The following KIF5B variants were observed in gnomAD, a reference collection of about 807,000 sequenced individuals.
KIF5B encodes the protein kinesin family member 5B.
Under a neutral mutation model 132.8 loss-of-function variants are expected in KIF5B, and 49 were observed. That is an observed-to-expected ratio of 0.37 (90% CI 0.29 to 0.47). KIF5B has a LOEUF of 0.47. Ranked by LOEUF, KIF5B falls within the 20% of genes least tolerant of loss-of-function variation. The pLI, the probability that KIF5B is intolerant of heterozygous loss-of-function variation, is 1.00. For missense variants in KIF5B, 780 were observed against 1,144.0 expected (o/e 0.68, Z 4.59); for synonymous variants, 355 against 369.4 (o/e 0.96, Z 0.45).
Position 32,010,494 on chromosome 10 carries a change from A to G in KIF5B, c.*1043T>C, listed in dbSNP as rs1592433263. The G allele has an allele frequency of 1.3e-5, 2 of 152,172 alleles. No homozygotes were observed. The highest frequency in any genetic ancestry group is 4.1e-4 in the South Asian group (2 of 4,836). 9.4% of individuals were successfully genotyped at this position (152,172 alleles called of 1,614,324 possible). On this transcript the variant is annotated 3_prime_UTR_variant, in exon 26 of 26. Transcript: ENST00000302418. The stretch of plus-strand genomic sequence containing the variant: ...AGGGATTTCAGACCAAAATTGACCT[A>G]TATATATTTTTAATTCATCATATAT...
intron 13 of KIF5B, among the ~76,000 whole-genome samples, chr10:32,032,382 C>A (rs968590734): frequency 5.3e-5 from 8 of 152,014 alleles, no homozygotes; most frequent in Non-Finnish European, 1.0e-4. Flanking sequence ...CTGCCCACCA[C>A]CCCCACAAAA....
chr10:32,012,899 ATTTT>A (rs746066933), intron 25 of KIF5B, among the ~76,000 whole-genome samples: 2 of 136,502 alleles, frequency 1.5e-5, no homozygotes. Context: ...AACTCATGTA[ATTTT>A]TTTTTTTTTT....
intron 18 of KIF5B, 40 bp downstream of exon 18, chr10:32,021,186 T>A: frequency 6.3e-7 from 1 of 1,595,810 alleles, no homozygotes; most frequent in Non-Finnish European, 8.6e-7. Context: ...AAATTAATAC[T>A]GATTAATTAA....
In KIF5B at chr10:32,022,874, C is replaced by T. The variant is rs2132587605; in HGVS notation, c.1888G>A (p.Ala630Thr). The T allele has an allele frequency of 6.2e-7, 1 of 1,612,330 alleles. No homozygotes were observed. Among genetic ancestry groups the T allele is most frequent in the Non-Finnish European group, 8.5e-7 (1 of 1,178,776 alleles). The change falls in exon 16 of 26, where the codon GCA becomes ACA. Residue 630 changes from alanine to threonine, a missense_variant. Ala to Thr is a moderately conservative substitution (Grantham distance 58). This residue lies in a region of KIF5B where 471 missense variants were observed against 569.9 expected (regional missense o/e 0.83). Transcript: ENST00000302418. Reference protein sequence around the residue: ...KKMEENEKELAACQLRISQHE... With the variant: ...KKMEENEKELTACQLRISQHE... ...TGAGAGATACGAAGCTGACATGCTG[C>T]TAACTCCTTTTCATTTTCTTCCATT...
intron 2 of KIF5B, among the ~76,000 whole-genome samples, chr10:32,044,358 T>A (rs138779392): frequency 1.3e-5 from 2 of 151,290 alleles, no homozygotes; most frequent in African/African-American, 4.9e-5. Context: ...CTGATTGAAT[T>A]AATAATGTCC....
rs1841198273 is a variant in KIF5B, at chr10:32,017,969, G to T, written c.2544+83C>A. 4 of 652,224 alleles carry T rather than the reference G, an allele frequency of 6.1e-6. No homozygotes were observed. In the East Asian group the frequency reaches 1.1e-4, roughly 18 times the overall value. The allele number at this position is 652,224 out of a possible 1,614,324, so 40.4% of individuals were successfully genotyped here. On this transcript the variant is annotated intron_variant, in intron 23 of 25. Transcript: ENST00000302418. ...GGGTATAAAAATTCCTGAGGACTCT[G>T]AAAGATTGAAATACTCACTTGCCAA... is the stretch of plus-strand genomic sequence containing the variant.
intron 12 of KIF5B, among the ~76,000 whole-genome samples, chr10:32,033,004 A>C (rs1841420333): frequency 6.6e-6 from 1 of 152,256 alleles, no homozygotes; most frequent in Admixed American, 6.5e-5. Context: ...TCTGCTTAAA[A>C]TATATTAAAA....
At position 32,037,571 on chromosome 10, in the gene KIF5B, C is replaced by T. The variant is rs1286098197; in HGVS notation, c.535G>A (p.Val179Ile). 6.2e-7 allele frequency: 1 copy of T among 1,613,466 alleles called. No individual in the cohort carries two copies. Among genetic ancestry groups the T allele is most frequent in the East Asian group, 2.2e-5 (1 of 44,878 alleles). ...TERFVCSPDEVMDTIDEGKSN... is the reference protein window; with the variant it reads ...TERFVCSPDEIMDTIDEGKSN... ...TTTCCTTCATCTATGGTATCCATAACTTCATCTGGACTACATACAAAACGC... is the reference window on the plus strand; with the variant it reads ...TTTCCTTCATCTATGGTATCCATAATTTCATCTGGACTACATACAAAACGC... Residue 179 changes from valine (V) to isoleucine (I), a missense_variant, in exon 7 of 26, where the codon GTT becomes ATT. Physicochemically the swap from Val to Ile is conservative, Grantham distance 29. Coordinates refer to ENST00000302418, the MANE Select transcript of KIF5B (RefSeq NM_004521.3).
chr10:32,029,524 G>T (rs1841374457), intron 14 of KIF5B, among the ~76,000 whole-genome samples: 1 of 152,102 alleles, frequency 6.6e-6, no homozygotes, highest in Admixed American at 6.5e-5. Context: ...TATCAGTAGA[G>T]TATGTATCCA....
chr10:32,022,802 A>G, intron 16 of KIF5B, 46 bp downstream of exon 16: 1 of 1,328,186 alleles, frequency 7.5e-7, no homozygotes, highest in Non-Finnish European at 1.0e-6. Context: ...TAAAATTTCT[A>G]TGTGGCTGTT....
At chr10:32,037,431 A>C in intron 7 of KIF5B, 53 bp from the exon 8 acceptor site, 1 of 1,602,074 alleles carries the variant, frequency 6.2e-7, no homozygotes, top group Non-Finnish European at 8.5e-7. Flanking sequence ...CCCCTTAACA[A>C]TTTCCCTGAA....
intron 1 of KIF5B, among the ~76,000 whole-genome samples, chr10:32,055,221 T>C (rs930223012): frequency 2.2e-4 from 33 of 152,076 alleles, no homozygotes. Context: ...TCTACAATCA[T>C]CGATTTGCCA....
intron 15 of KIF5B, among the ~76,000 whole-genome samples, chr10:32,024,067 A>AAC (rs1554800835): frequency 7.6e-6 from 1 of 131,836 alleles, no homozygotes; most frequent in African/African-American, 2.7e-5. Flanking sequence ...AAAAAAACAA[A>AAC]AAAAAAAAAA....
intron 2 of KIF5B, among the ~76,000 whole-genome samples, chr10:32,043,371 G>C (rs1373473154): frequency 1.3e-5 from 2 of 152,264 alleles, no homozygotes; most frequent in South Asian, 4.1e-4. Context: ...TAAATAACTT[G>C]CCTGTAACTC....
chr10:32,040,831 AC>A (rs1420647100), intron 2 of KIF5B, among the ~76,000 whole-genome samples: 1 of 152,014 alleles, frequency 6.6e-6, no homozygotes, highest in Non-Finnish European at 1.5e-5. Context: ...TACTAAAAAT[AC>A]AAAAAATTAG....
At chr10:32,032,628 TA>T in intron 13 of KIF5B, 77 bp downstream of exon 13, 1 of 1,112,332 alleles carries the variant, frequency 9.0e-7, no homozygotes, top group Non-Finnish European at 1.4e-6. Context: ...ATACAACTAT[TA>T]AAGACAAAGT....
Position 32,009,171 on chromosome 10 carries a change from C to A in KIF5B, c.*2366G>T, listed in dbSNP as rs945050111. The stretch of plus-strand genomic sequence containing the variant: ...TATTCCACAGGTAGACTCAGACTCT[C>A]TTCTGTCACCTCATGTCAAATGGAG... On this transcript the variant is annotated 3_prime_UTR_variant, in exon 26 of 26. Coordinates refer to ENST00000302418, the MANE Select transcript of KIF5B (RefSeq NM_004521.3). 6.6e-6 allele frequency: 1 copy of A among 152,224 alleles called. No homozygotes were observed. The highest frequency in any genetic ancestry group is 1.9e-4 in the East Asian group (1 of 5,200). The allele number at this position is 152,224 out of a possible 1,614,324, so 9.4% of individuals were successfully genotyped here.
intron 11 of KIF5B, 28 bp downstream of exon 11, chr10:32,034,662 T>C: frequency 1.3e-6 from 2 of 1,508,232 alleles, no homozygotes; most frequent in Non-Finnish European, 1.8e-6. Flanking sequence ...TTTAACAAAC[T>C]GAAGATGACA....
At chr10:32,037,768 G>A (rs1396244011) in intron 6 of KIF5B, among the ~76,000 whole-genome samples, 161 bp from the exon 7 acceptor site, 2 of 152,152 alleles carry the variant, frequency 1.3e-5, no homozygotes, top group African/African-American at 4.8e-5. Flanking sequence ...GGGAGGCAAA[G>A]GTTGCAGTGA....
Sources: allele counts gnomAD v4.1 joint callset (sites outside exome capture counted in the v4.1 genomes callset), GRCh38; gene constraint gnomAD v4.1.1; regional missense constraint gnomAD v4.1.1; transcripts MANE v1.5; gene names NCBI Gene and HGNC (gene_info 2026-07-23, HGNC 2026-07-21).